Variants in SLFN12 observed in about 807,000 individuals in gnomAD.
SLFN12 encodes the protein schlafen family member 12.
Under a neutral mutation model 29.1 loss-of-function variants are expected in SLFN12, and 25 were observed. The observed-to-expected ratio is 0.86, with a 90% CI of 0.63 to 1.20. The LOEUF is 1.20. SLFN12 is among the 50% of genes most tolerant of loss of function. The pLI, the probability that SLFN12 is intolerant of heterozygous loss-of-function variation, is 0.00. For synonymous variants in SLFN12, 257 were observed against 238.7 expected (o/e 1.08, Z -0.71); for missense variants, 660 against 666.2 (o/e 0.99, Z 0.10).
chr17:35,431,151 G>C (rs1912293972), intron 1 of SLFN12, among the ~76,000 whole-genome samples: 1 of 152,092 alleles, frequency 6.6e-6, no homozygotes, highest in African/African-American at 2.4e-5. Flanking sequence ...TGGCCCATCG[G>C]GTAGCCAAAT....
At chr17:35,418,821 A>G (rs753091191) in intron 3 of SLFN12, among the ~76,000 whole-genome samples, 1 of 152,110 alleles carries the variant, frequency 6.6e-6, no homozygotes, top group Non-Finnish European at 1.5e-5. Flanking sequence ...AGCATGCTAC[A>G]TTACTGTCTA....
At chr17:35,424,009 C>T (rs1199042844) in intron 1 of SLFN12, among the ~76,000 whole-genome samples, 2 of 152,092 alleles carry the variant, frequency 1.3e-5, no homozygotes, top group African/African-American at 4.8e-5. Flanking sequence ...TGTAAGCCAC[C>T]CAGCTTGCGG....
Position 35,422,674 on chromosome 17 carries a change from T to A in SLFN12, c.355A>T (p.Ile119Phe), listed in dbSNP as rs1911761767. Residue 119 changes from isoleucine to phenylalanine, a missense_variant, in exon 2 of 4, where the codon ATT becomes TTT. Ile to Phe is a conservative substitution (Grantham distance 21). Transcript: ENST00000304905. ...SWSLNTSGLRITTLSSNLYKR... is the reference protein window; with the variant it reads ...SWSLNTSGLRFTTLSSNLYKR... ...TACAAATTGGAGCTCAAGGTGGTAA[T>A]CCGCAGACCAGAGGTGTTCAAGCTC... 8 of 1,613,990 alleles carry A rather than the reference T, an allele frequency of 5.0e-6. No homozygotes were observed. Among genetic ancestry groups the A allele is most frequent in the Non-Finnish European group, 6.8e-6 (8 of 1,179,930 alleles).
In SLFN12 at chr17:35,422,268, A is replaced by T. The variant is rs140842069; in HGVS notation, c.761T>A (p.Met254Lys). 1.9e-5 allele frequency: 31 copies of T among 1,613,948 alleles called. No homozygotes were observed. In the African/African-American group the frequency reaches 3.2e-4, roughly 17 times the overall value. Reference protein sequence around the residue: ...DKEIIGFKAEMSDLDDLEREI... With the variant: ...DKEIIGFKAEKSDLDDLEREI... ...TCTTTCTAAGTCATCGAGGTCACTC[A>T]TCTCTGCTTTAAAGCCAATTATTTC... Residue 254 changes from methionine to lysine, a missense_variant, in exon 2 of 4, where the codon ATG becomes AAG. Met to Lys is a moderately conservative substitution (Grantham distance 95). Transcript: ENST00000304905.
Position 35,423,022 on chromosome 17 carries a change from T to C in SLFN12, c.7A>G (p.Ile3Val), listed in dbSNP as rs1487889080. The change falls in exon 2 of 4, where the codon ATC becomes GTC. Residue 3 changes from isoleucine (I) to valine (V), a missense_variant. Physicochemically the swap from Ile to Val is conservative, Grantham distance 29. Coordinates refer to ENST00000304905, the MANE Select transcript of SLFN12 (RefSeq NM_018042.5). MN[I>V]SVDLETNYAE... ...TAATTCGTTTCCAAATCAACACTGA[T>C]GTTCATTTTCCCAGCAGCTATGCAG... The C allele has an allele frequency of 2.5e-6, 4 of 1,608,484 alleles. No individual in the cohort carries two copies. The East Asian group carries it at 8.9e-5, about 36-fold the overall frequency.
intron 3 of SLFN12, among the ~76,000 whole-genome samples, chr17:35,416,558 T>G (rs1354645160): frequency 6.6e-6 from 1 of 152,162 alleles, no homozygotes; most frequent in Non-Finnish European, 1.5e-5. Flanking sequence ...ATTTTAAAAG[T>G]ACTTACTACA....
At chr17:35,425,784 C>G (rs2142046988) in intron 1 of SLFN12, among the ~76,000 whole-genome samples, 1 of 149,090 alleles carries the variant, frequency 6.7e-6, no homozygotes, top group South Asian at 2.1e-4. Flanking sequence ...GGATATTTAT[C>G]CAGGAGTGAG....
chr17:35,425,470 T>C (rs1287980878), intron 1 of SLFN12, among the ~76,000 whole-genome samples: 1 of 152,082 alleles, frequency 6.6e-6, no homozygotes, highest in African/African-American at 2.4e-5. Context: ...TCTATACTTC[T>C]ATGAGTTTAA....
intron 1 of SLFN12, among the ~76,000 whole-genome samples, chr17:35,425,833 C>CTTTTTTTTTTT (rs1475313050): frequency 4.5e-5 from 1 of 22,202 alleles, no homozygotes; most frequent in Non-Finnish European, 9.3e-5. Flanking sequence ...CTTTTCTTTT[C>CTTTTTTTTTTT]TTTTCTTTTT....
chr17:35,412,106 T>C (rs1179110803), intron 3 of SLFN12, among the ~76,000 whole-genome samples, 179 bp from the exon 4 acceptor site: 3 of 152,112 alleles, frequency 2.0e-5, no homozygotes, highest in Non-Finnish European at 4.4e-5. Flanking sequence ...GTATTTGAAG[T>C]GCCACAGTCT....
intron 3 of SLFN12, among the ~76,000 whole-genome samples, chr17:35,416,197 T>C (rs573363466): frequency 5.3e-4 from 80 of 152,266 alleles, no homozygotes; most frequent in African/African-American, 1.9e-3. Flanking sequence ...AATAATGGCA[T>C]TCACAGCAAC....
chr17:35,428,943 T>A (rs1386028438), intron 1 of SLFN12, among the ~76,000 whole-genome samples: 1 of 151,936 alleles, frequency 6.6e-6, no homozygotes, highest in Non-Finnish European at 1.5e-5. Flanking sequence ...CAGAAGAGAT[T>A]CTCCATCTCT....
At chr17:35,419,597 G>A (rs1286474616) in intron 3 of SLFN12, among the ~76,000 whole-genome samples, 5 of 152,068 alleles carry the variant, frequency 3.3e-5, no homozygotes, top group Admixed American at 3.3e-4. Flanking sequence ...TGAGAAGAAG[G>A]AGGTCAAGAG....
Position 35,411,730 on chromosome 17 carries a change from G to GGGAA in SLFN12, c.1341_1344dup (p.Gln449PhefsTer17), listed in dbSNP as rs1911028585. On this transcript the variant is annotated frameshift_variant, in exon 4 of 4. Coordinates refer to ENST00000304905, the MANE Select transcript of SLFN12 (RefSeq NM_018042.5). LOFTEE classifies it low-confidence loss of function (END_TRUNC). ...GTGTATAGGACTGGAGGACTGTCCT[G>GGGAA]GGAAATCAGAAGAGCATCACAGAGG... The GGGAA allele has an allele frequency of 6.2e-7, 1 of 1,613,912 alleles. No homozygotes were observed. The highest frequency in any genetic ancestry group is 1.7e-5 in the Admixed American group (1 of 59,994).
chr17:35,421,724 A>G (rs1356895613), intron 2 of SLFN12, among the ~76,000 whole-genome samples: 1 of 151,736 alleles, frequency 6.6e-6, no homozygotes, highest in Non-Finnish European at 1.5e-5. Flanking sequence ...TATTTTTAGT[A>G]GAGACGGGGT....
In SLFN12 at chr17:35,411,808, T is replaced by C. The variant is rs1170992820; in HGVS notation, c.1267A>G (p.Ile423Val). ...EMDSVRKGSL[I>V]FSRSWSVDLG... ...TCCACAGACCAGCTCCTAGAGAAGATCAGTGAGCCCTTTCTGACAGAGTCC... is the reference window on the plus strand; with the variant it reads ...TCCACAGACCAGCTCCTAGAGAAGACCAGTGAGCCCTTTCTGACAGAGTCC... Residue 423 changes from isoleucine (I) to valine (V), a missense_variant, in exon 4 of 4, where the codon ATC becomes GTC. Physicochemically the swap from Ile to Val is conservative, Grantham distance 29. Coordinates refer to ENST00000304905, the MANE Select transcript of SLFN12 (RefSeq NM_018042.5). 2 of 1,613,946 alleles carry C rather than the reference T, an allele frequency of 1.2e-6. No homozygotes were observed. The highest frequency in any genetic ancestry group is 2.7e-5 in the African/African-American group (2 of 74,922).
chr17:35,411,698 G>A lies in SLFN12; in HGVS notation c.1377C>T (p.His459=), dbSNP rs1168262081. The part of the protein sequence containing the change: ...QDSPPVLYTF[H]MVQDEEFKGY... The stretch of plus-strand genomic sequence containing the variant: ...CTTTAAACTCCTCATCCTGTACCAT[G>A]TGGAAGGTGTATAGGACTGGAGGAC... Residue 459 remains histidine, a synonymous_variant, in exon 4 of 4, where the codon CAC becomes CAT. Transcript: ENST00000304905. 2 of 1,614,026 alleles carry A rather than the reference G, an allele frequency of 1.2e-6. No individual in the cohort carries two copies. The highest frequency in any genetic ancestry group is 1.7e-6 in the Non-Finnish European group (2 of 1,179,992).
intron 1 of SLFN12, 65 bp from the exon 2 acceptor site, chr17:35,423,133 G>T: frequency 6.7e-7 from 1 of 1,490,374 alleles, no homozygotes; most frequent in Non-Finnish European, 8.9e-7. Flanking sequence ...TCTGTATTAT[G>T]AGGCAAATGC....
chr17:35,428,018 T>C (rs927537136), intron 1 of SLFN12, among the ~76,000 whole-genome samples: 3 of 152,068 alleles, frequency 2.0e-5, no homozygotes, highest in Non-Finnish European at 2.9e-5. Flanking sequence ...GGAAAAATTA[T>C]GTAAGAGAAG....
Sources: allele counts gnomAD v4.1 joint callset (sites outside exome capture counted in the v4.1 genomes callset), GRCh38; gene constraint gnomAD v4.1.1; transcripts MANE v1.5; gene names NCBI Gene and HGNC (gene_info 2026-07-23, HGNC 2026-07-21).